PHF8: variants seen among roughly 807,000 people sequenced by gnomAD.
PHF8 encodes PHD finger protein 8.
A neutral mutation model predicts 74.4 loss-of-function variants in PHF8; 9 were observed. The ratio of observed to expected loss-of-function variants is 0.12; its 90% CI spans 0.07 to 0.21. PHF8 has a LOEUF of 0.21. Ranked by LOEUF, PHF8 falls within the 10% of genes least tolerant of loss-of-function variation. The pLI is 1.00. For missense variants in PHF8, 478 were observed against 816.6 expected, an observed-to-expected ratio of 0.59 and a Z score of 5.05; for synonymous variants, 311 against 316.6, an observed-to-expected ratio of 0.98 and a Z score of 0.19.
chrX:54,035,351 T>C (rs1169666354), intron 2 of PHF8, among the ~76,000 whole-genome samples: 6 of 103,103 alleles, frequency 5.8e-5, no homozygotes, highest in South Asian at 4.2e-4. Flanking sequence ...AGTGAGACTC[T>C]GTCTCAAAAA....
chrX:53,970,048 T>A (rs2065269742), intron 18 of PHF8, among the ~76,000 whole-genome samples: 1 of 112,223 alleles, frequency 8.9e-6, no homozygotes, highest in Non-Finnish European at 1.9e-5. Flanking sequence ...GGGGAAATGC[T>A]ATAGGACATT....
intron 18 of PHF8, among the ~76,000 whole-genome samples, chrX:53,974,181 G>A (rs1355649482): frequency 9.0e-6 from 1 of 110,851 alleles, no homozygotes; most frequent in East Asian, 2.8e-4. Context: ...CAGAAGAATG[G>A]CATGAACCCG....
At chrX:53,981,230 C>CA (rs782677318) in intron 18 of PHF8, among the ~76,000 whole-genome samples, 15 of 112,050 alleles carry the variant, frequency 1.3e-4, no homozygotes, top group Non-Finnish European at 2.8e-4. Flanking sequence ...AACAAACAAA[C>CA]AACAACAAAA....
chrX:53,999,942 T>C lies in PHF8; in HGVS notation c.1161A>G (p.Arg387=). 1 of 1,188,765 alleles carries C rather than the reference T, an allele frequency of 8.4e-7. No individual in the cohort carries two copies. The highest frequency in any genetic ancestry group is 1.8e-5 in the South Asian group (1 of 56,281). ...CATGGACCAGGTAGGAGGCAGGGTG[T>C]CTCCTGTTCTCTCGCAAACCTAAAG... ...DIFRGLRENR[R]HPASYLVHGG... is the part of the protein sequence containing the mutation. The change falls in exon 11 of 22, where the codon AGA becomes AGG. Residue 387 remains arginine (R), a synonymous_variant. Coordinates refer to ENST00000338154, the MANE Select transcript of PHF8 (RefSeq NM_015107.3).
chrX:53,992,617 C>T (rs2065683772), intron 14 of PHF8, 119 bp downstream of exon 14: 1 of 512,344 alleles, frequency 2.0e-6, no homozygotes, highest in African/African-American at 2.3e-5. Flanking sequence ...TAGGTATTGC[C>T]CTAAGTACAG....
chrX:54,021,454 ATTTTTTTTTTTTTTTTTT>A (rs1156928686), intron 4 of PHF8, among the ~76,000 whole-genome samples: 7 of 42,169 alleles, frequency 1.7e-4, no homozygotes, highest in South Asian at 1.7e-3. Context: ...AGTTGCAATT[ATTTTTTTTTTTTTTTTTT>A]TTTTTTTTTT....
At chrX:54,028,046 T>G in intron 2 of PHF8, among the ~76,000 whole-genome samples, 1 of 98,582 alleles carries the variant, frequency 1.0e-5, no homozygotes, top group East Asian at 3.1e-4. Context: ...AGAATGGTAG[T>G]GAGGGTGAAA....
chrX:53,956,532 A>C (rs1557088728), intron 19 of PHF8, among the ~76,000 whole-genome samples: 1 of 111,824 alleles, frequency 8.9e-6, no homozygotes, highest in Non-Finnish European at 1.9e-5. Flanking sequence ...AGATATTTAA[A>C]AATTATGCTT....
Position 54,036,592 on chromosome X carries a change from A to AC in PHF8, c.98+6038_98+6039insG, listed in dbSNP as rs1557114264. Among the ~76,000 whole-genome samples the AC allele has an allele frequency of 1.0e-3, 111 of 105,726 alleles. 1 individual carries two copies. Among genetic ancestry groups the AC allele is most frequent in the African/African-American group, 3.7e-3 (107 of 28,664 alleles). 91.8% of individuals were successfully genotyped at this position (105,726 alleles called of 115,157 possible). ...GTCTCAAAAAAAAAAAAAAAAAAAA[A>AC]AAAAAAAACTTTTTTTTTTTTTAAT... On this transcript the variant is annotated intron_variant, in intron 2 of 21. Coordinates refer to ENST00000338154, the MANE Select transcript of PHF8 (RefSeq NM_015107.3).
intron 4 of PHF8, among the ~76,000 whole-genome samples, chrX:54,021,470 T>C (rs1276712527): frequency 1.2e-5 from 1 of 80,319 alleles, no homozygotes; most frequent in Non-Finnish European, 2.4e-5. Flanking sequence ...TTTTTTTTTT[T>C]TTTTTTTTTT....
rs782167328 is a variant in PHF8, at chrX:54,016,220, G to A, written c.596+375C>T. Among the ~76,000 whole-genome samples the A allele has an allele frequency of 6.3e-5, 7 of 111,625 alleles. No homozygotes were observed. The East Asian group carries it at 2.0e-3, about 31-fold the overall frequency. On this transcript the variant is annotated intron_variant, in intron 6 of 21. Transcript: ENST00000338154. ...AAGAGAAAGGAACACGAGGCAAGGT[G>A]CGGTGGCTCATGCCTGTAATCCTAG...
chrX:53,997,788 G>C (rs1184163170), intron 11 of PHF8, among the ~76,000 whole-genome samples: 2 of 111,827 alleles, frequency 1.8e-5, no homozygotes, highest in Non-Finnish European at 3.8e-5. Flanking sequence ...GGAGGTGTCA[G>C]AGATGAAACC....
At position 53,952,807 on chromosome X, in the gene PHF8, C is replaced by G. The variant is rs782740048; in HGVS notation, c.2540-8564G>C. Among the ~76,000 whole-genome samples the G allele has an allele frequency of 8.7e-5, 9 of 103,743 alleles. No individual in the cohort carries two copies. The South Asian group carries it at 3.1e-3, about 35-fold the overall frequency. 90.1% of individuals were successfully genotyped at this position (103,743 alleles called of 115,157 possible). On this transcript the variant is annotated intron_variant, in intron 19 of 21. Coordinates refer to ENST00000338154, the MANE Select transcript of PHF8 (RefSeq NM_015107.3). Reference sequence around the variant, plus strand: ...CTGAGACAGGAGAATGGCGTGAACCCGGGAGGCAGAGCTTGCAGTGAGCCG... The same window carrying G: ...CTGAGACAGGAGAATGGCGTGAACCGGGGAGGCAGAGCTTGCAGTGAGCCG...
chrX:53,957,663 G>GT (rs1173491596), intron 19 of PHF8, among the ~76,000 whole-genome samples: 1 of 112,187 alleles, frequency 8.9e-6, no homozygotes, highest in African/African-American at 3.2e-5. Flanking sequence ...GATAAAAACT[G>GT]TATCTCCTAG....
At chrX:53,939,944 T>C (rs2064724615) in intron 21 of PHF8, among the ~76,000 whole-genome samples, 1 of 110,687 alleles carries the variant, frequency 9.0e-6, no homozygotes, top group African/African-American at 3.3e-5. Context: ...AGAGTTCCCA[T>C]CTCTAGCCCA....
intron 14 of PHF8, among the ~76,000 whole-genome samples, chrX:53,989,799 G>A (rs1263426190): frequency 4.5e-5 from 5 of 112,148 alleles, no homozygotes; most frequent in African/African-American, 1.6e-4. Flanking sequence ...TCAGAGGGTT[G>A]AGGATTAAAT....
chrX:53,944,123 T>A lies in PHF8; in HGVS notation c.2649+11A>T. The A allele has an allele frequency of 8.9e-7, 1 of 1,124,991 alleles. No individual in the cohort carries two copies. Among genetic ancestry groups the A allele is most frequent in the East Asian group, 3.0e-5 (1 of 33,499 alleles). 92.7% of individuals were successfully genotyped at this position (1,124,991 alleles called of 1,213,427 possible). A position where few individuals can be genotyped will look rare whatever the true frequency, so the allele number is the denominator to read the frequency against. ...ATTAGTTGCAGGGTGACCTGGGGTG[T>A]CAGCACCTACCTGCTGGGCCAGCTT... On this transcript the variant is annotated intron_variant, in intron 20 of 21. Coordinates refer to ENST00000338154, the MANE Select transcript of PHF8 (RefSeq NM_015107.3).
At chrX:53,968,432 A>G (rs1557093684) in intron 18 of PHF8, among the ~76,000 whole-genome samples, 1 of 112,102 alleles carries the variant, frequency 8.9e-6, no homozygotes, top group Non-Finnish European at 1.9e-5. Context: ...AGCAGTAATA[A>G]GAAGTCTCCC....
At chrX:53,976,385 T>C (rs1557096110) in intron 18 of PHF8, among the ~76,000 whole-genome samples, 1 of 110,237 alleles carries the variant, frequency 9.1e-6, no homozygotes, top group East Asian at 2.8e-4. Context: ...ATCTAAACGA[T>C]CATCTCTGAA....
Sources: gnomAD v4.1 joint callset for allele counts (sites outside exome capture counted in the v4.1 genomes callset) on GRCh38, gnomAD v4.1.1 for gene constraint, MANE v1.5 for transcripts, NCBI Gene and HGNC (gene_info 2026-07-23, HGNC 2026-07-21) for gene names.